USP7: variants seen among roughly 807,000 people sequenced by gnomAD.
USP7 encodes the protein ubiquitin C-terminal hydrolase 7.
USP7 carries 9 observed loss-of-function variants against 162.9 expected under a neutral mutation model. The ratio of observed to expected loss-of-function variants is 0.06; its 90% confidence interval spans 0.03 to 0.10. The LOEUF (loss-of-function observed/expected upper bound fraction) is 0.10. Ranked by LOEUF, USP7 falls within the 10% of genes least tolerant of loss-of-function variation. The pLI is 1.00. For missense variants in USP7, 715 were observed against 1,373.7 expected (o/e 0.52, Z 7.58); for synonymous variants, 562 against 475.9 (o/e 1.18, Z -2.35).
intron 5 of USP7, among the ~76,000 whole-genome samples, chr16:8,919,775 A>C (rs1477842276): frequency 6.6e-6 from 1 of 151,464 alleles, no homozygotes; most frequent in Non-Finnish European, 1.5e-5. Context: ...TCTGTACACA[A>C]TGCCACGACC....
chr16:8,909,486 G>A (rs1172529786), intron 11 of USP7, among the ~76,000 whole-genome samples: 2 of 152,220 alleles, frequency 1.3e-5, no homozygotes, highest in African/African-American at 2.4e-5. Context: ...CAGTCTGAAA[G>A]ATAAAAGGAT....
chr16:8,953,021 G>C (rs1596414838), intron 1 of USP7, among the ~76,000 whole-genome samples: 1 of 152,182 alleles, frequency 6.6e-6, no homozygotes, highest in South Asian at 2.1e-4. Context: ...ATTTTTAGTA[G>C]AGACGGGGTT....
chr16:8,958,092 T>A (rs1270795816), intron 1 of USP7, among the ~76,000 whole-genome samples: 1 of 152,010 alleles, frequency 6.6e-6, no homozygotes, highest in South Asian at 2.1e-4. Context: ...CTCCCACAAA[T>A]AAATTTAACA....
chr16:8,945,759 A>G (rs1375250854), intron 1 of USP7, among the ~76,000 whole-genome samples: 2 of 152,158 alleles, frequency 1.3e-5, no homozygotes, highest in African/African-American at 2.4e-5. Context: ...ATTTTGAATA[A>G]CACAGATCCA....
At position 8,908,329 on chromosome 16, in the gene USP7, A is replaced by G; in HGVS notation, c.1271+12T>C. 6.3e-7 allele frequency: 1 copy of G among 1,599,294 alleles called. No individual in the cohort carries two copies. On this transcript the variant is annotated intron_variant, in intron 12 of 30. Coordinates refer to ENST00000344836, the MANE Select transcript of USP7 (RefSeq NM_003470.3). Reference sequence around the variant, plus strand: ...TGATGAAATCTTAACTTTATATCCCACTATAGATTACCTATCATTGATCTT... The same window carrying G: ...TGATGAAATCTTAACTTTATATCCCGCTATAGATTACCTATCATTGATCTT...
At chr16:8,912,307 C>G (rs2061959626) in intron 10 of USP7, among the ~76,000 whole-genome samples, 1 of 151,926 alleles carries the variant, frequency 6.6e-6, no homozygotes, top group South Asian at 2.1e-4. Flanking sequence ...CAAAAATTAG[C>G]TGGGTGTGGT....
chr16:8,902,363 G>C lies in USP7; in HGVS notation c.1941+18C>G. On this transcript the variant is annotated intron_variant, in intron 17 of 30. Coordinates refer to ENST00000344836, the MANE Select transcript of USP7 (RefSeq NM_003470.3). ...TTCTGCACGGTTCCAAACCAGATAC[G>C]CTATTAACAATATTTACTGTTTTAT... 1 of 1,611,864 alleles carries C rather than the reference G, an allele frequency of 6.2e-7. No homozygotes were observed. The highest frequency in any genetic ancestry group is 8.5e-7 in the Non-Finnish European group (1 of 1,178,502).
At chr16:8,924,978 G>T (rs1255741549) in intron 2 of USP7, among the ~76,000 whole-genome samples, 3 of 152,176 alleles carry the variant, frequency 2.0e-5, no homozygotes, top group African/African-American at 4.8e-5. Flanking sequence ...TAATCCTTTT[G>T]AGGATAGAAG....
At chr16:8,911,518 G>C (rs560473483) in intron 10 of USP7, among the ~76,000 whole-genome samples, 2 of 152,168 alleles carry the variant, frequency 1.3e-5, no homozygotes, top group Non-Finnish European at 2.9e-5. Flanking sequence ...AAGGAAAAAC[G>C]CAACTGCACA....
At chr16:8,900,727 C>A (rs2141170819) in intron 20 of USP7, 97 bp from the exon 21 acceptor site, 1 of 838,962 alleles carries the variant, frequency 1.2e-6, no homozygotes, top group East Asian at 2.6e-5. Context: ...TCTCTACACC[C>A]AATTCTATCC....
At position 8,892,618 on chromosome 16, in the gene USP7, A is replaced by G. The variant is rs1042527901; in HGVS notation, c.*1380T>C. The G allele has an allele frequency of 2.0e-5, 3 of 151,312 alleles. No individual in the cohort carries two copies. The highest frequency in any genetic ancestry group is 4.4e-5 in the Non-Finnish European group (3 of 67,826). The allele number at this position is 151,312 out of a possible 1,614,324, so 9.4% of individuals were successfully genotyped here. A position where few individuals can be genotyped will look rare whatever the true frequency, so the allele number is the denominator to read the frequency against. ...ACTAGTTAGAGGCTAAAAAAAAAAA[A>G]AAAAAAAAAAAGAAACAAGAGACCC... On this transcript the variant is annotated 3_prime_UTR_variant, in exon 31 of 31. Transcript: ENST00000344836.
intron 1 of USP7, among the ~76,000 whole-genome samples, chr16:8,936,268 T>C (rs1161827859): frequency 6.6e-6 from 1 of 152,118 alleles, no homozygotes; most frequent in Non-Finnish European, 1.5e-5. Context: ...ACCTGGTCTC[T>C]GGGTGGCTCA....
At chr16:8,896,137 CTTT>C (rs60467243) in intron 26 of USP7, among the ~76,000 whole-genome samples, 8 of 126,088 alleles carry the variant, frequency 6.3e-5, no homozygotes, top group African/African-American at 8.9e-5. Flanking sequence ...CCATGCCCAG[CTTT>C]TTTTTTTTTT....
intron 1 of USP7, among the ~76,000 whole-genome samples, chr16:8,945,294 G>C (rs1899228189): frequency 6.6e-6 from 1 of 152,068 alleles, no homozygotes; most frequent in Non-Finnish European, 1.5e-5. Flanking sequence ...TGAGGCACAA[G>C]AATCGTTTGT....
At chr16:8,943,198 T>C (rs1327322768) in intron 1 of USP7, among the ~76,000 whole-genome samples, 1 of 152,186 alleles carries the variant, frequency 6.6e-6, no homozygotes, top group Non-Finnish European at 1.5e-5. Flanking sequence ...GTAAAAATCA[T>C]CTGTTCCCTA....
At chr16:8,929,267 C>A (rs1898186253) in intron 2 of USP7, 1 of 337,898 alleles carries the variant, frequency 3.0e-6, no homozygotes, top group South Asian at 2.2e-5. Flanking sequence ...CCTCCAAAAG[C>A]CCAACAACCA....
At chr16:8,956,763 A>C (rs1348142864) in intron 1 of USP7, among the ~76,000 whole-genome samples, 1 of 136,228 alleles carries the variant, frequency 7.3e-6, no homozygotes, top group Non-Finnish European at 1.7e-5. Flanking sequence ...ACTTCGTATT[A>C]AAAAAACAAA....
At chr16:8,942,433 G>T (rs763704468) in intron 1 of USP7, among the ~76,000 whole-genome samples, 3 of 152,138 alleles carry the variant, frequency 2.0e-5, no homozygotes, top group Non-Finnish European at 4.4e-5. Flanking sequence ...GCACTGTGAG[G>T]GTCTGACCAC....
At chr16:8,904,352 G>C in intron 15 of USP7, 83 bp downstream of exon 15, 3 of 1,565,758 alleles carry the variant, frequency 1.9e-6, no homozygotes, top group Non-Finnish European at 2.6e-6. Context: ...GTCCCAGAGG[G>C]GTGGGGGCTG....
Sources: gnomAD v4.1 joint callset for allele counts (sites outside exome capture counted in the v4.1 genomes callset) on GRCh38, gnomAD v4.1.1 for gene constraint, MANE v1.5 for transcripts, NCBI Gene and HGNC (gene_info 2026-07-23, HGNC 2026-07-21) for gene names.